Variants in POM121C observed in about 807,000 individuals in gnomAD.
The protein encoded by POM121C is POM121 transmembrane nucleoporin C, also known as nuclear envelope pore membrane protein POM 121C.
POM121C carries 20 observed loss-of-function variants against 66.4 expected under a neutral mutation model. That is an observed-to-expected ratio of 0.30 (90% CI 0.21 to 0.44). The LOEUF is 0.44. Ranked by LOEUF, POM121C falls within the 20% of genes least tolerant of loss-of-function variation. POM121C has a pLI of 1.00. For synonymous variants in POM121C, 286 were observed against 528.0 expected, an observed-to-expected ratio of 0.54 and a Z score of 6.28; for missense variants, 580 against 1,225.7, an observed-to-expected ratio of 0.47 and a Z score of 7.87.
At chr7:75,481,030 A>AAAATAT (rs1363095854) in intron 1 of POM121C, among the ~76,000 whole-genome samples, 78 of 137,038 alleles carry the variant, frequency 5.7e-4, no homozygotes, top group Middle Eastern at 3.8e-3. Context: ...TAGTTCAAAA[A>AAAATAT]ATATATATAT....
chr7:75,425,450 ATC>A, intron 9 of POM121C, 183 bp downstream of exon 9: 1 of 1,388,866 alleles, frequency 7.2e-7, no homozygotes, highest in Non-Finnish European at 9.7e-7. Context: ...GTTAGCCCCC[ATC>A]TGTAGCCTTT....
intron 7 of POM121C, among the ~76,000 whole-genome samples, chr7:75,427,915 T>C (rs1790019496): frequency 6.6e-6 from 1 of 152,062 alleles, no homozygotes; most frequent in Non-Finnish European, 1.5e-5. Flanking sequence ...CAGGAGGAGC[T>C]TGAGAAGACT....
At chr7:75,421,445 C>G in intron 13 of POM121C, 64 bp downstream of exon 13, 1 of 1,607,016 alleles carries the variant, frequency 6.2e-7, no homozygotes, top group Non-Finnish European at 8.5e-7. Context: ...CCCGAGACCA[C>G]AGGCTTCACA....
At chr7:75,465,539 G>A (rs1444339566) in intron 3 of POM121C, among the ~76,000 whole-genome samples, 5 of 151,628 alleles carry the variant, frequency 3.3e-5, no homozygotes, top group Admixed American at 6.6e-5. Flanking sequence ...TGGATCATGC[G>A]GTCAGGAGTT....
At chr7:75,434,513 G>A (rs1790328237) in intron 7 of POM121C, among the ~76,000 whole-genome samples, 1 of 151,634 alleles carries the variant, frequency 6.6e-6, no homozygotes, top group Non-Finnish European at 1.5e-5. Context: ...CTGATCGCAG[G>A]TGATCCACCT....
chr7:75,466,699 T>A (rs1791663611), intron 3 of POM121C, among the ~76,000 whole-genome samples: 2 of 150,448 alleles, frequency 1.3e-5, no homozygotes, highest in African/African-American at 4.9e-5. Context: ...AAATGTTGGC[T>A]CTTCGAAAAG....
At chr7:75,420,628 C>T in intron 13 of POM121C, 1 of 152,230 alleles carries the variant, frequency 6.6e-6, no homozygotes, top group East Asian at 1.9e-4. Flanking sequence ...ACACTTTATC[C>T]CGACCTTCCC....
At chr7:75,428,044 G>C (rs111717252) in intron 7 of POM121C, among the ~76,000 whole-genome samples, 4 of 152,212 alleles carry the variant, frequency 2.6e-5, no homozygotes, top group South Asian at 2.1e-4. Flanking sequence ...CTCATCAAAG[G>C]GATCCAAGGA....
chr7:75,485,512 G>A (rs189187100), intron 1 of POM121C, among the ~76,000 whole-genome samples: 3 of 152,162 alleles, frequency 2.0e-5, no homozygotes, highest in Non-Finnish European at 4.4e-5. Flanking sequence ...AGGTCTAAGG[G>A]GGGGGATCAG....
In POM121C at chr7:75,441,474, A is replaced by G. The variant is rs782451880; in HGVS notation, c.23T>C (p.Val8Ala). MVCSPVT[V>A]RIAPPDRRFS... ...TCTTCTGTCAGGAGGGGCGATCCTC[A>G]CAGTCACTGGGCTACACACCATCCT... is the stretch of plus-strand genomic sequence containing the variant. Residue 8 changes from valine (V) to alanine (A), a missense_variant, in exon 4 of 15, where the codon GTG becomes GCG. Transcript: ENST00000615331. 6 of 1,613,928 alleles carry G rather than the reference A, an allele frequency of 3.7e-6. No individual in the cohort carries two copies. The highest frequency in any genetic ancestry group is 3.4e-6 in the Non-Finnish European group (4 of 1,179,836).
chr7:75,424,510 G>T lies in POM121C; in HGVS notation c.871+16C>A. 2 of 1,612,364 alleles carry T rather than the reference G, an allele frequency of 1.2e-6. No homozygotes were observed. The highest frequency in any genetic ancestry group is 1.7e-6 in the Non-Finnish European group (2 of 1,178,432). On this transcript the variant is annotated intron_variant, in intron 11 of 14. Coordinates refer to ENST00000615331, the MANE Select transcript of POM121C (RefSeq NM_001099415.3). The stretch of plus-strand genomic sequence containing the variant: ...ACCTGAAACCTCTCGAGAGTGCAAC[G>T]ATCTGTGCTCCTTACCACTCTTGTC...
At chr7:75,438,393 T>C (rs1312113235) in intron 6 of POM121C, among the ~76,000 whole-genome samples, 3 of 152,210 alleles carry the variant, frequency 2.0e-5, no homozygotes, top group Non-Finnish European at 4.4e-5. Flanking sequence ...TTGGAGACCA[T>C]TGTCCTTCCC....
At chr7:75,436,479 T>C (rs782381361) in intron 7 of POM121C, among the ~76,000 whole-genome samples, 27 of 152,214 alleles carry the variant, frequency 1.8e-4, no homozygotes, top group South Asian at 8.3e-4. Flanking sequence ...TTAAATAATA[T>C]TAAGGTTAAT....
At chr7:75,442,775 G>A (rs1236522492) in intron 3 of POM121C, 140 of 1,293,096 alleles carry the variant, frequency 1.1e-4, no homozygotes, top group Non-Finnish European at 1.3e-4. Flanking sequence ...CGCGCCACGC[G>A]TCGCGTCATC....
chr7:75,439,223 G>T lies in POM121C; in HGVS notation c.229C>A (p.Arg77Ser), dbSNP rs782217655. ...FLDGQENKRR[R>S]HDSSGSGHSA... ...TGTCCACTGCCACTGCTATCATGGCGCCTGCGACAAATCAAAAAAGTCTCA... is the reference window on the plus strand; with the variant it reads ...TGTCCACTGCCACTGCTATCATGGCTCCTGCGACAAATCAAAAAAGTCTCA... Residue 77 changes from arginine to serine, a missense_variant and splice_region_variant, in exon 6 of 15, where the codon CGC becomes AGC. Physicochemically the swap from Arg to Ser is moderately radical, Grantham distance 110. Coordinates refer to ENST00000615331, the MANE Select transcript of POM121C (RefSeq NM_001099415.3). 6.2e-7 allele frequency: 1 copy of T among 1,614,206 alleles called. No homozygotes were observed. Among genetic ancestry groups the T allele is most frequent in the Non-Finnish European group, 8.5e-7 (1 of 1,180,046 alleles).
chr7:75,460,431 G>A (rs1160143783), intron 3 of POM121C, among the ~76,000 whole-genome samples: 1 of 151,910 alleles, frequency 6.6e-6, no homozygotes, highest in African/African-American at 2.4e-5. Flanking sequence ...AAGCCCAGGA[G>A]GTCAAGGCTG....
chr7:75,459,617 A>C (rs1462085666), intron 3 of POM121C, among the ~76,000 whole-genome samples: 1 of 147,512 alleles, frequency 6.8e-6, no homozygotes, highest in Non-Finnish European at 1.5e-5. Flanking sequence ...AAAAAAAAAA[A>C]AAAGAAAGAA....
chr7:75,439,009 A>G, intron 6 of POM121C, 135 bp downstream of exon 6: 2 of 956,286 alleles, frequency 2.1e-6, no homozygotes, highest in Non-Finnish European at 3.2e-6. Context: ...TACTCAGAAT[A>G]TTCCTAATTT....
At chr7:75,472,811 T>TGGAA (rs781841520) in intron 3 of POM121C, among the ~76,000 whole-genome samples, 2 of 126,316 alleles carry the variant, frequency 1.6e-5, no homozygotes, top group Admixed American at 9.0e-5. Context: ...TATCTCAAAA[T>TGGAA]GGAAGGAAGG....
Sources: gnomAD v4.1 joint callset for allele counts (sites outside exome capture counted in the v4.1 genomes callset) on GRCh38, gnomAD v4.1.1 for gene constraint, MANE v1.5 for transcripts, NCBI Gene and HGNC (gene_info 2026-07-23, HGNC 2026-07-21) for gene names.